Variants in BMPER observed in about 807,000 individuals in gnomAD.
BMPER encodes the protein BMP-binding endothelial regulator protein.
In BMPER, 45 loss-of-function variants were observed where a neutral mutation model predicts 87.3. That is an observed-to-expected ratio of 0.52 (90% CI 0.41 to 0.66). The LOEUF is 0.66. Among genes scored for constraint, BMPER ranks in the 30% least tolerant of loss-of-function variants. The pLI, the probability that BMPER is intolerant of heterozygous loss-of-function variation, is 0.00. For synonymous variants in BMPER, 326 were observed against 316.2 expected (o/e 1.03, Z -0.33); for missense variants, 784 against 867.5 (o/e 0.90, Z 1.21).
rs1473352116 is a variant in BMPER at position 33,974,742 on chromosome 7, A to G, written c.534A>G (p.Glu178=). ...GTGTGCAGTATCAAGAAGGGGAGGA[A>G]TTTCAGCCAGAAGGAAGCAAATGTA... ...FEGVQYQEGE[E]FQPEGSKCTK... is the part of the protein sequence containing the mutation. The change falls in exon 6 of 15, where the codon GAA becomes GAG. Residue 178 remains glutamate (E), a synonymous_variant. Transcript: ENST00000649409. 2 of 1,613,952 alleles carry G rather than the reference A, an allele frequency of 1.2e-6. No homozygotes were observed. The highest frequency in any genetic ancestry group is 2.2e-5 in the South Asian group (2 of 91,070).
At chr7:34,146,403 G>A (rs9639691) in intron 14 of BMPER, among the ~76,000 whole-genome samples, 114,384 of 152,002 alleles carry the variant, frequency 0.75, 43,626 homozygotes, top group East Asian at 0.91. Context: ...ATATGTGCCC[G>A]CCACCTATGG....
intron 6 of BMPER, among the ~76,000 whole-genome samples, chr7:34,028,795 C>T (rs558312573): frequency 1.3e-5 from 2 of 151,444 alleles, no homozygotes; most frequent in Non-Finnish European, 2.9e-5. Context: ...ATAGAGGAGC[C>T]TGTGTAGAGT....
At chr7:33,945,115 G>C (rs1423399140) in intron 3 of BMPER, among the ~76,000 whole-genome samples, 1 of 151,904 alleles carries the variant, frequency 6.6e-6, no homozygotes, top group Admixed American at 6.6e-5. Flanking sequence ...CTAATTTTTT[G>C]TATTTTTAGT....
At chr7:34,104,913 G>A (rs535325437) in intron 13 of BMPER, among the ~76,000 whole-genome samples, 6 of 152,232 alleles carry the variant, frequency 3.9e-5, no homozygotes, top group Non-Finnish European at 5.9e-5. Flanking sequence ...GAAATGACTC[G>A]TCTATTTTCA....
intron 7 of BMPER, among the ~76,000 whole-genome samples, chr7:34,050,317 G>A (rs1303583083): frequency 6.6e-6 from 1 of 152,022 alleles, no homozygotes; most frequent in African/African-American, 2.4e-5. Context: ...AAGTCAGTGA[G>A]GCCTGGAGAA....
intron 13 of BMPER, among the ~76,000 whole-genome samples, chr7:34,120,188 G>A (rs1159381079): frequency 1.3e-5 from 2 of 152,182 alleles, no homozygotes; most frequent in African/African-American, 4.8e-5. Context: ...AATTGAAATT[G>A]TGTGATTTAA....
At chr7:34,064,207 CTTG>C (rs1788515805) in intron 11 of BMPER, among the ~76,000 whole-genome samples, 1 of 151,694 alleles carries the variant, frequency 6.6e-6, no homozygotes, top group African/African-American at 2.4e-5. Context: ...ACAAGAATAG[CTTG>C]AACTTGGGAG....
chr7:33,969,643 C>T (rs1785488574), intron 4 of BMPER, among the ~76,000 whole-genome samples: 1 of 152,236 alleles, frequency 6.6e-6, no homozygotes, highest in African/African-American at 2.4e-5. Flanking sequence ...TCGTGATCCG[C>T]CCGCCTCAGC....
At chr7:33,993,978 C>G (rs940642296) in intron 6 of BMPER, among the ~76,000 whole-genome samples, 2 of 152,210 alleles carry the variant, frequency 1.3e-5, no homozygotes, top group African/African-American at 4.8e-5. Flanking sequence ...TCTGCCCGTT[C>G]TCAGATCTCC....
At chr7:34,027,522 T>C (rs905683929) in intron 6 of BMPER, among the ~76,000 whole-genome samples, 1 of 152,130 alleles carries the variant, frequency 6.6e-6, no homozygotes, top group African/African-American at 2.4e-5. Context: ...ATTGATTGCA[T>C]ATTGAAATTC....
chr7:33,933,922 T>C (rs920877664), intron 2 of BMPER, among the ~76,000 whole-genome samples: 4 of 152,228 alleles, frequency 2.6e-5, no homozygotes, highest in African/African-American at 7.2e-5. Context: ...ATGGCGATCA[T>C]TGGGAATTTT....
At chr7:34,024,189 A>G (rs752502233) in intron 6 of BMPER, among the ~76,000 whole-genome samples, 3 of 149,724 alleles carry the variant, frequency 2.0e-5, no homozygotes, top group Non-Finnish European at 4.4e-5. Context: ...GAAACCCTGC[A>G]TCTACTAAAA....
At chr7:34,031,927 TAC>T (rs59791505) in intron 6 of BMPER, among the ~76,000 whole-genome samples, 130 of 55,434 alleles carry the variant, frequency 2.3e-3, no homozygotes, top group African/African-American at 5.5e-3. Flanking sequence ...TATATATATA[TAC>T]ACACACACAC....
intron 13 of BMPER, among the ~76,000 whole-genome samples, chr7:34,113,351 A>G (rs1291562878): frequency 6.6e-6 from 1 of 151,956 alleles, no homozygotes; most frequent in Non-Finnish European, 1.5e-5. Flanking sequence ...GTAGCCAAAT[A>G]TATCTTTTTT....
chr7:34,042,756 C>A (rs1339180220), intron 6 of BMPER: 1 of 152,182 alleles, frequency 6.6e-6, no homozygotes, highest in African/African-American at 2.4e-5. Context: ...TTTCATTGCT[C>A]TTCTGAAGGA....
intron 13 of BMPER, among the ~76,000 whole-genome samples, chr7:34,126,868 T>A (rs867104471): frequency 1.6e-4 from 25 of 152,248 alleles, no homozygotes; most frequent in African/African-American, 4.8e-4. Flanking sequence ...TTCTCTTTTT[T>A]AAAAAAAATG....
intron 3 of BMPER, among the ~76,000 whole-genome samples, chr7:33,953,272 T>A (rs1477575112): frequency 2.6e-5 from 4 of 152,208 alleles, no homozygotes; most frequent in African/African-American, 9.6e-5. Context: ...GTTAATATAT[T>A]CAGACATCTA....
chr7:34,117,166 T>G (rs750479230), intron 13 of BMPER, among the ~76,000 whole-genome samples: 1 of 152,172 alleles, frequency 6.6e-6, no homozygotes, highest in Admixed American at 6.5e-5. Flanking sequence ...TCTACCCTTA[T>G]GTTTTTGGAA....
intron 11 of BMPER, among the ~76,000 whole-genome samples, chr7:34,075,857 C>T (rs1232442146): frequency 6.6e-6 from 1 of 152,224 alleles, no homozygotes; most frequent in African/African-American, 2.4e-5. Context: ...CAGACACTCT[C>T]TAGTGCACAA....
Sources: allele counts gnomAD v4.1 joint callset (sites outside exome capture counted in the v4.1 genomes callset), GRCh38; gene constraint gnomAD v4.1.1; transcripts MANE v1.5; gene names NCBI Gene and HGNC (gene_info 2026-07-23, HGNC 2026-07-21).